FGF13: variants seen among roughly 807,000 people sequenced by gnomAD.
FGF13 encodes the protein fibroblast growth factor homologous factor 2.
A neutral mutation model predicts 19.5 loss-of-function variants in FGF13; 2 were observed. That is an observed-to-expected ratio of 0.10 (90% confidence interval 0.04 to 0.32). The LOEUF (loss-of-function observed/expected upper bound fraction) is 0.32. Ranked by LOEUF, FGF13 falls within the 10% of genes least tolerant of loss-of-function variation. FGF13 has a pLI of 1.00. For missense variants in FGF13, 113 were observed against 192.7 expected, an observed-to-expected ratio of 0.59 and a Z score of 2.45; for synonymous variants, 72 against 76.9, an observed-to-expected ratio of 0.94 and a Z score of 0.33.
At chrX:138,784,550 C>T (rs982522101) in intron 3 of FGF13, among the ~76,000 whole-genome samples, 9 of 109,642 alleles carry the variant, frequency 8.2e-5, no homozygotes, top group Non-Finnish European at 1.5e-4. Flanking sequence ...TTTGGAAATA[C>T]TTTCCACCTC....
chrX:138,685,915 A>G (rs931286853), intron 3 of FGF13, among the ~76,000 whole-genome samples: 3 of 109,470 alleles, frequency 2.7e-5, no homozygotes, highest in African/African-American at 9.9e-5. Flanking sequence ...TGGCTTCCTG[A>G]AACAGCACTT....
chrX:138,845,204 T>A (rs1232751563), intron 3 of FGF13, among the ~76,000 whole-genome samples: 1 of 111,313 alleles, frequency 9.0e-6, no homozygotes, highest in Non-Finnish European at 1.9e-5. Context: ...ATCTTGATAA[T>A]CAAGTAGTTC....
intron 1 of FGF13, among the ~76,000 whole-genome samples, chrX:139,134,623 C>G (rs920754126): frequency 9.0e-6 from 1 of 111,676 alleles, no homozygotes; most frequent in African/African-American, 3.3e-5. Flanking sequence ...ATTATTGGAG[C>G]CCGATACACA....
Position 138,711,456 on chromosome X carries a change from A to C in FGF13, c.-453T>G. 2.8e-6 allele frequency: 2 copies of C among 707,731 alleles called. No homozygotes were observed. Among genetic ancestry groups the C allele is most frequent in the Non-Finnish European group, 3.4e-6 (2 of 596,168 alleles). The allele number at this position is 707,731 out of a possible 1,213,427, so 58.3% of individuals were successfully genotyped here. On this transcript the variant is annotated 5_prime_UTR_variant, in exon 1 of 5. Coordinates refer to ENST00000315930, the MANE Select transcript of FGF13 (RefSeq NM_004114.5). ...GAGGGAGTGAGCGCGGGCGGGAGAGAGGCCGGGAGCTCGGGCGGCCGGACG... is the reference window on the plus strand; with the variant it reads ...GAGGGAGTGAGCGCGGGCGGGAGAGCGGCCGGGAGCTCGGGCGGCCGGACG...
chrX:139,187,514 T>C (rs181001461), intron 1 of FGF13, among the ~76,000 whole-genome samples: 25 of 112,011 alleles, frequency 2.2e-4, no homozygotes, highest in African/African-American at 7.1e-4. Context: ...AATAAAAAAA[T>C]CATGGCTGCA....
upstream of FGF13, chrX:139,204,263 C>T: frequency 2.0e-6 from 1 of 507,223 alleles, no homozygotes; most frequent in Admixed American, 3.0e-5. Flanking sequence ...CTGCCGCCGC[C>T]GCCGCTGCCT....
chrX:138,773,217 AC>A (rs921252391), intron 3 of FGF13, among the ~76,000 whole-genome samples: 2 of 111,284 alleles, frequency 1.8e-5, no homozygotes, highest in African/African-American at 6.5e-5. Flanking sequence ...CAGTTAGTCC[AC>A]CCATATGGCC....
chrX:138,663,311 C>T (rs1233549267), intron 3 of FGF13, among the ~76,000 whole-genome samples: 3 of 111,477 alleles, frequency 2.7e-5, no homozygotes, highest in Non-Finnish European at 5.7e-5. Context: ...TGAGGCTAAG[C>T]CAGCCTGGAA....
intron 1 of FGF13, among the ~76,000 whole-genome samples, chrX:138,994,936 T>C (rs868441417): frequency 9.4e-6 from 1 of 106,906 alleles, no homozygotes; most frequent in Non-Finnish European, 1.9e-5. Context: ...AAGGCTCCAC[T>C]GCTTGTCCCA....
At chrX:138,853,401 G>T (rs375378229), downstream of FGF13, among the ~76,000 whole-genome samples, 1 of 111,071 alleles carries the variant, frequency 9.0e-6, no homozygotes, top group African/African-American at 3.3e-5. Context: ...ATAACCCAAC[G>T]CATTATCAGA....
intron 3 of FGF13, among the ~76,000 whole-genome samples, chrX:138,663,010 A>C (rs191615046): frequency 2.8e-4 from 31 of 111,586 alleles, no homozygotes; most frequent in Admixed American, 2.7e-3. Context: ...CTTGAACAAG[A>C]CTAGTTCCCC....
chrX:138,773,925 A>T (rs1318260583), intron 3 of FGF13, among the ~76,000 whole-genome samples: 1 of 111,424 alleles, frequency 9.0e-6, no homozygotes, highest in East Asian at 2.8e-4. Flanking sequence ...TCACAAATAT[A>T]CACGTGAATA....
At chrX:138,845,449 G>A (rs2091174935) in intron 3 of FGF13, among the ~76,000 whole-genome samples, 1 of 111,966 alleles carries the variant, frequency 8.9e-6, no homozygotes, top group Non-Finnish European at 1.9e-5. Context: ...AGATAAATAA[G>A]TTATTTGTAA....
At chrX:139,026,019 G>A (rs2092199358) in intron 1 of FGF13, among the ~76,000 whole-genome samples, 2 of 110,974 alleles carry the variant, frequency 1.8e-5, no homozygotes, top group Non-Finnish European at 3.8e-5. Context: ...CTCTTGTAAG[G>A]CCTGCCACAG....
intron 1 of FGF13, among the ~76,000 whole-genome samples, chrX:139,161,829 G>A (rs1000389962): frequency 5.4e-5 from 6 of 110,685 alleles, no homozygotes; most frequent in African/African-American, 2.0e-4. Flanking sequence ...AAAATAGCTA[G>A]GAATACAACT....
intron 1 of FGF13, among the ~76,000 whole-genome samples, chrX:139,169,591 T>C (rs2084113515): frequency 9.0e-6 from 1 of 111,006 alleles, no homozygotes; most frequent in African/African-American, 3.3e-5. Flanking sequence ...CCCAAAGAGC[T>C]AGGATTACAG....
intron 1 of FGF13, among the ~76,000 whole-genome samples, chrX:139,012,000 A>G (rs1427427700): frequency 1.8e-5 from 2 of 111,860 alleles, no homozygotes; most frequent in South Asian, 7.4e-4. Context: ...AAGTTTCAGG[A>G]TACAAAATTA....
At chrX:138,711,900 C>T (rs1341420415), upstream of FGF13, among the ~76,000 whole-genome samples, 1 of 108,614 alleles carries the variant, frequency 9.2e-6, no homozygotes, top group East Asian at 3.0e-4. Flanking sequence ...AATCCTTCTC[C>T]CCTCCTTTTC....
intron 1 of FGF13, among the ~76,000 whole-genome samples, chrX:139,185,192 A>T (rs2084273129): frequency 1.8e-5 from 2 of 112,092 alleles, no homozygotes; most frequent in Admixed American, 9.5e-5. Context: ...CAATAGGAAA[A>T]TTTTAAAATA....
Sources: allele counts gnomAD v4.1 joint callset (sites outside exome capture counted in the v4.1 genomes callset), GRCh38; gene constraint gnomAD v4.1.1; transcripts MANE v1.5; gene names NCBI Gene and HGNC (gene_info 2026-07-23, HGNC 2026-07-21).